Variants in TMEM123 observed in about 807,000 individuals in gnomAD.
The protein encoded by TMEM123 is porimin.
A neutral mutation model predicts 19.7 loss-of-function variants in TMEM123; 16 were observed. The observed-to-expected ratio is 0.81, with a 90% CI of 0.55 to 1.23. The LOEUF (loss-of-function observed/expected upper bound fraction) is 1.23, where lower values mean the gene tolerates loss of function less well. Among genes scored for constraint, TMEM123 ranks in the 50% most tolerant of loss-of-function variants. The probability of loss-of-function intolerance (pLI) is 0.00; values close to 1 mark genes in which losing one functional copy is unlikely to be tolerated. For missense variants in TMEM123, 313 were observed against 257.8 expected, an observed-to-expected ratio of 1.21 and a Z score of -1.47; for synonymous variants, 118 against 99.4, an observed-to-expected ratio of 1.19 and a Z score of -1.12.
chr11:102,413,212 T>C (rs1952018624), intron 2 of TMEM123, among the ~76,000 whole-genome samples: 1 of 152,236 alleles, frequency 6.6e-6, no homozygotes, highest in East Asian at 1.9e-4. Flanking sequence ...TTGAAGGCTG[T>C]ATTCCTCTTA....
At chr11:102,409,086 T>G (rs1332357735) in intron 2 of TMEM123, among the ~76,000 whole-genome samples, 2 of 152,194 alleles carry the variant, frequency 1.3e-5, no homozygotes, top group East Asian at 3.8e-4. Flanking sequence ...GATGACAATT[T>G]GTTTTCATCA....
intron 2 of TMEM123, among the ~76,000 whole-genome samples, chr11:102,404,538 C>T (rs1951938839): frequency 6.6e-6 from 1 of 152,040 alleles, no homozygotes; most frequent in African/African-American, 2.4e-5. Context: ...CCCACCTCAG[C>T]CTCTCAAAGT....
chr11:102,434,517 A>G (rs1227241019), intron 2 of TMEM123, among the ~76,000 whole-genome samples: 1 of 151,862 alleles, frequency 6.6e-6, no homozygotes, highest in Non-Finnish European at 1.5e-5. Context: ...ATGGCTTACA[A>G]ATATTTTCTC....
chr11:102,401,871 A>C lies in TMEM123; in HGVS notation c.448+45T>G, dbSNP rs765349274. On this transcript the variant is annotated intron_variant, in intron 3 of 4. Coordinates refer to ENST00000398136, the MANE Select transcript of TMEM123 (RefSeq NM_052932.3). ...GAATAATGACTTAAATGTGGCATTT[A>C]ACTACTTGCAGCATAGGAAAAAAAA... 3 of 1,583,334 alleles carry C rather than the reference A, an allele frequency of 1.9e-6. No homozygotes were observed. In the South Asian group the frequency reaches 3.5e-5, roughly 19 times the overall value.
intron 1 of TMEM123, among the ~76,000 whole-genome samples, chr11:102,451,493 T>G (rs1857938643): frequency 6.6e-6 from 1 of 152,228 alleles, no homozygotes; most frequent in Non-Finnish European, 1.5e-5. Context: ...TGCCTGAACC[T>G]TCCAGATTTA....
chr11:102,418,473 A>T (rs1952059275), intron 2 of TMEM123, among the ~76,000 whole-genome samples: 1 of 152,242 alleles, frequency 6.6e-6, no homozygotes. Context: ...GTGAGAAAGC[A>T]TCTCACACCA....
intron 2 of TMEM123, among the ~76,000 whole-genome samples, chr11:102,428,475 T>A (rs536932457): frequency 7.0e-4 from 106 of 151,736 alleles, no homozygotes; most frequent in African/African-American, 2.0e-3. Flanking sequence ...CTTTTTTTTT[T>A]TTTTATTTTT....
chr11:102,425,934 C>T (rs1427213020), intron 2 of TMEM123, among the ~76,000 whole-genome samples: 1 of 152,132 alleles, frequency 6.6e-6, no homozygotes, highest in Non-Finnish European at 1.5e-5. Flanking sequence ...ACATTATCTG[C>T]ACCTTTATTA....
chr11:102,415,520 A>T (rs1326002688), intron 2 of TMEM123, among the ~76,000 whole-genome samples: 1 of 152,240 alleles, frequency 6.6e-6, no homozygotes, highest in Non-Finnish European at 1.5e-5. Flanking sequence ...AAAAATTTAA[A>T]TCAGTACCAG....
At chr11:102,452,382 C>A in intron 1 of TMEM123, 142 bp downstream of exon 1, 1 of 661,148 alleles carries the variant, frequency 1.5e-6, no homozygotes, top group Non-Finnish European at 2.2e-6. Flanking sequence ...TCCCCCACCC[C>A]GCCCGGTCAC....
chr11:102,441,910 A>C (rs1857830343), intron 2 of TMEM123, among the ~76,000 whole-genome samples: 1 of 152,240 alleles, frequency 6.6e-6, no homozygotes, highest in South Asian at 2.1e-4. Flanking sequence ...CCATCAGAGA[A>C]TACTATAAAC....
At chr11:102,417,572 C>A (rs1952052223) in intron 2 of TMEM123, among the ~76,000 whole-genome samples, 1 of 152,088 alleles carries the variant, frequency 6.6e-6, no homozygotes, top group Non-Finnish European at 1.5e-5. Flanking sequence ...TTAAGATGGC[C>A]ATACTGCCCA....
chr11:102,415,970 A>G (rs1330798098), intron 2 of TMEM123, among the ~76,000 whole-genome samples: 1 of 152,082 alleles, frequency 6.6e-6, no homozygotes, highest in Non-Finnish European at 1.5e-5. Flanking sequence ...GCTGGAGTGC[A>G]ATGGTGCAGT....
rs1046967367 is a variant in TMEM123 at position 102,396,798 on chromosome 11, C to T, written c.*2069G>A. Reference sequence around the variant, plus strand: ...AAAGACATAACTAAACTACTTCAAACCCAATGCAGAGGAAACTTTCAAGGC... The same window carrying T: ...AAAGACATAACTAAACTACTTCAAATCCAATGCAGAGGAAACTTTCAAGGC... On this transcript the variant is annotated 3_prime_UTR_variant, in exon 5 of 5. Transcript: ENST00000398136. The T allele has an allele frequency of 6.6e-6, 1 of 152,158 alleles. No homozygotes were observed. Among genetic ancestry groups the T allele is most frequent in the South Asian group, 2.1e-4 (1 of 4,826 alleles). 9.4% of individuals were successfully genotyped at this position (152,158 alleles called of 1,614,324 possible).
chr11:102,413,835 C>T (rs1012747484), intron 2 of TMEM123, among the ~76,000 whole-genome samples: 2 of 152,210 alleles, frequency 1.3e-5, no homozygotes, highest in Non-Finnish European at 1.5e-5. Context: ...AACCATACTG[C>T]CTCTCCAGCA....
At chr11:102,438,459 T>G (rs531690512) in intron 2 of TMEM123, among the ~76,000 whole-genome samples, 27 of 152,222 alleles carry the variant, frequency 1.8e-4, no homozygotes, top group South Asian at 6.2e-4. Context: ...AACTTATTCA[T>G]CTTATTTACC....
intron 2 of TMEM123, among the ~76,000 whole-genome samples, chr11:102,403,432 GCATCTTCTT>G (rs1344717361): frequency 1.3e-5 from 2 of 152,094 alleles, no homozygotes; most frequent in Non-Finnish European, 2.9e-5. Context: ...ATTTCATACT[GCATCTTCTT>G]TTTAACACGA....
At chr11:102,409,691 T>A (rs2135846498) in intron 2 of TMEM123, among the ~76,000 whole-genome samples, 1 of 152,140 alleles carries the variant, frequency 6.6e-6, no homozygotes, top group East Asian at 1.9e-4. Flanking sequence ...CTGGCCAACA[T>A]GGTGAAACCT....
At chr11:102,429,372 T>C (rs1253091905) in intron 2 of TMEM123, among the ~76,000 whole-genome samples, 8 of 152,198 alleles carry the variant, frequency 5.3e-5, no homozygotes, top group African/African-American at 1.9e-4. Context: ...ACGGTTCCTC[T>C]TCAGTTTTTT....
Sources: gnomAD v4.1 joint callset for allele counts (sites outside exome capture counted in the v4.1 genomes callset) on GRCh38, gnomAD v4.1.1 for gene constraint, MANE v1.5 for transcripts, NCBI Gene and HGNC (gene_info 2026-07-23, HGNC 2026-07-21) for gene names.